Variants in TBC1D2B observed in about 807,000 individuals in gnomAD.
TBC1D2B encodes the protein TBC1 domain family member 2B, also known as TBC1 domain family, member 2B.
Under a neutral mutation model 100.8 loss-of-function variants are expected in TBC1D2B, and 64 were observed. The ratio of observed to expected loss-of-function variants is 0.64; its 90% CI spans 0.52 to 0.78. The LOEUF is 0.78. Among genes scored for constraint, TBC1D2B ranks in the 30% least tolerant of loss-of-function variants. The pLI is 0.00. For missense variants in TBC1D2B, 1,052 were observed against 1,218.4 expected (o/e 0.86, Z 2.03); for synonymous variants, 480 against 479.7 (o/e 1.00, Z -0.01).
At chr15:78,015,972 G>T (rs2072362882) in intron 8 of TBC1D2B, among the ~76,000 whole-genome samples, 1 of 152,200 alleles carries the variant, frequency 6.6e-6, no homozygotes. Flanking sequence ...ACTGCAGTAA[G>T]CAAGGCCTAG....
At chr15:78,006,511 G>A (rs909761722) in intron 10 of TBC1D2B, among the ~76,000 whole-genome samples, 4 of 152,232 alleles carry the variant, frequency 2.6e-5, no homozygotes, top group South Asian at 2.1e-4. Context: ...CAGCTGTGGC[G>A]AAAGCCCACC....
At chr15:78,052,316 G>A (rs2073330387) in intron 2 of TBC1D2B, among the ~76,000 whole-genome samples, 1 of 152,110 alleles carries the variant, frequency 6.6e-6, no homozygotes, top group Admixed American at 6.5e-5. Context: ...ACAGCCCATG[G>A]TACCAGCATG....
intron 3 of TBC1D2B, among the ~76,000 whole-genome samples, chr15:78,039,953 G>T (rs2073036897): frequency 6.6e-6 from 1 of 152,198 alleles, no homozygotes; most frequent in Non-Finnish European, 1.5e-5. Context: ...GGAGCCAGAG[G>T]TCCACATCAG....
At chr15:78,003,560 C>A in intron 10 of TBC1D2B, 70 bp from the exon 11 acceptor site, 1 of 1,255,370 alleles carries the variant, frequency 8.0e-7, no homozygotes, top group Non-Finnish European at 1.1e-6. Flanking sequence ...CGAGCAGACG[C>A]GCAACCTGAG....
intron 1 of TBC1D2B, among the ~76,000 whole-genome samples, chr15:78,055,066 T>C (rs917663865): frequency 3.3e-5 from 5 of 152,176 alleles, no homozygotes; most frequent in African/African-American, 9.7e-5. Flanking sequence ...GAAAGAAGCC[T>C]GACCCAAATG....
chr15:78,014,676 CCAGGAGGT>C (rs2072322369), intron 8 of TBC1D2B, among the ~76,000 whole-genome samples: 1 of 152,152 alleles, frequency 6.6e-6, no homozygotes, highest in Non-Finnish European at 1.5e-5. Flanking sequence ...CTTGAGCCCA[CCAGGAGGT>C]CGAGGCCAGC....
rs113432544 is a variant in TBC1D2B at position 77,995,125 on chromosome 15, A to C, written c.*3035T>G. 1 of 152,146 alleles carries C rather than the reference A, an allele frequency of 6.6e-6. No homozygotes were observed. The highest frequency in any genetic ancestry group is 1.5e-5 in the Non-Finnish European group (1 of 68,012). 9.4% of individuals were successfully genotyped at this position (152,146 alleles called of 1,614,324 possible). ...TGCAGTCCTCCAGTTGCCCAGCAGC[A>C]GTGGGACGTTCAGTGGCACACAGTG... On this transcript the variant is annotated 3_prime_UTR_variant, in exon 13 of 13. Coordinates refer to ENST00000300584, the MANE Select transcript of TBC1D2B (RefSeq NM_144572.2).
chr15:78,054,078 G>C lies in TBC1D2B; in HGVS notation c.470C>G (p.Thr157Ser). The C allele has an allele frequency of 6.2e-7, 1 of 1,613,770 alleles. No individual in the cohort carries two copies. The stretch of plus-strand genomic sequence containing the variant: ...AAGACCCTTAGGAAAATCCCCGGGA[G>C]TTGGAGAGGTCCTGCTGTCCCACTT... ...MVKWDSRTSPTPGDFPKGLVA... is the reference protein window; with the variant it reads ...MVKWDSRTSPSPGDFPKGLVA... The change falls in exon 2 of 13, where the codon ACT (threonine) becomes AGT (serine). Residue 157 changes from threonine to serine, a missense_variant. This residue lies in a region of TBC1D2B where 627 missense variants were observed against 646.1 expected (regional missense o/e 0.97). Coordinates refer to ENST00000300584, the MANE Select transcript of TBC1D2B (RefSeq NM_144572.2).
At chr15:78,072,482 AT>A (rs1190625499) in intron 1 of TBC1D2B, among the ~76,000 whole-genome samples, 11 of 152,252 alleles carry the variant, frequency 7.2e-5, no homozygotes, top group African/African-American at 2.7e-4. Context: ...GGTTCACCAC[AT>A]CTATTTTGCA....
chr15:78,013,322 T>C lies in TBC1D2B; in HGVS notation c.1776-5A>G. 6.4e-7 allele frequency: 1 copy of C among 1,573,592 alleles called. No individual in the cohort carries two copies. Among genetic ancestry groups the C allele is most frequent in the Non-Finnish European group, 8.6e-7 (1 of 1,159,590 alleles). ...AACCCATAAATATCATATTCACTGT[T>C]GATAAAAACAAAAGGAAAAATTAAA... On this transcript the variant is annotated splice_region_variant and splice_polypyrimidine_tract_variant and intron_variant, in intron 8 of 12. Coordinates refer to ENST00000300584, the MANE Select transcript of TBC1D2B (RefSeq NM_144572.2).
chr15:78,023,168 C>T (rs2072559003), intron 6 of TBC1D2B, among the ~76,000 whole-genome samples: 1 of 152,226 alleles, frequency 6.6e-6, no homozygotes, highest in Non-Finnish European at 1.5e-5. Flanking sequence ...CAAACCTCTG[C>T]CCTCCAAGGA....
At chr15:78,016,880 T>A in intron 7 of TBC1D2B, 141 bp from the exon 8 acceptor site, 1 of 661,178 alleles carries the variant, frequency 1.5e-6, no homozygotes, top group Non-Finnish European at 2.4e-6. Context: ...GACAAGAAAT[T>A]AATTTATGCC....
chr15:78,012,924 A>C lies in TBC1D2B; in HGVS notation c.2169T>G (p.His723Gln). 2 of 1,547,280 alleles carry C rather than the reference A, an allele frequency of 1.3e-6. No homozygotes were observed. Among genetic ancestry groups the C allele is most frequent in the Non-Finnish European group, 1.7e-6 (2 of 1,145,408 alleles). ...DLLRTLPNNK[H>Q]YSCPTSEGIQ... ...TGCCTTCTGAGGTGGGGCAGGAGTA[A>C]TGTTTGTTGTTGGGCAGAGTTCGCA... Residue 723 changes from histidine (H) to glutamine (Q), a missense_variant, in exon 9 of 13, where the codon CAT becomes CAG. Around this residue, in one of 4 missense-constraint regions of TBC1D2B, gnomAD observed 373 missense variants for 464.9 expected, o/e 0.80. Coordinates refer to ENST00000300584, the MANE Select transcript of TBC1D2B (RefSeq NM_144572.2).
chr15:78,035,333 TAAC>T (rs1567024143), intron 3 of TBC1D2B, among the ~76,000 whole-genome samples: 1 of 152,246 alleles, frequency 6.6e-6, no homozygotes. Flanking sequence ...TGGATTCTGA[TAAC>T]AAGCTAGAAT....
intron 3 of TBC1D2B, among the ~76,000 whole-genome samples, chr15:78,040,880 A>AAGAAAGAAAGAAAGAAAGAAAGAAAGAG (rs1275983230): frequency 8.1e-4 from 120 of 147,938 alleles, no homozygotes; most frequent in Middle Eastern, 3.4e-3. Context: ...GAAAGAAAGA[A>AAGAAAGAAAGAAAGAAAGAAAGAAAGAG]AGAGAGAGAG....
rs759956787 is a variant in TBC1D2B, at chr15:78,009,043, A to G, written c.2342T>C (p.Val781Ala). The change falls in exon 10 of 13, where the codon GTT becomes GCT. Residue 781 changes from valine to alanine, a missense_variant. By Grantham distance (64) the Val-to-Ala change is moderately conservative. Transcript: ENST00000300584. The part of the protein sequence containing the change: ...AFWCLVTIVE[V>A]FMPRDYYTKT... ...TGTATAATAGTCTCGAGGCATGAAA[A>G]CTTCCACTATGGTAACGAGACACCA... The G allele has an allele frequency of 2.5e-6, 4 of 1,608,158 alleles. No homozygotes were observed. In the Admixed American group the frequency reaches 6.8e-5, roughly 27 times the overall value.
chr15:78,040,141 T>C (rs1015564752), intron 3 of TBC1D2B, among the ~76,000 whole-genome samples: 28 of 152,256 alleles, frequency 1.8e-4, no homozygotes, highest in African/African-American at 6.8e-4. Context: ...GCATGCGCTT[T>C]CTCACTCTTG....
Position 78,077,430 on chromosome 15 carries a change from C to A in TBC1D2B, c.223G>T (p.Asp75Tyr). Residue 75 changes from aspartate to tyrosine, a missense_variant, in exon 1 of 13, where the codon GAC (aspartate) becomes TAC (tyrosine). Transcript: ENST00000300584. ...TCCAAGTGGCCGAGGGGCAGCGCGT[C>A]CTGCGGACTCTTGAAATAGTAAAGG... ...CYLYYFKSPQ[D>Y]ALPLGHLDIA... 6.5e-7 allele frequency: 1 copy of A among 1,545,298 alleles called. No individual in the cohort carries two copies. The highest frequency in any genetic ancestry group is 8.7e-7 in the Non-Finnish European group (1 of 1,145,128).
intron 3 of TBC1D2B, among the ~76,000 whole-genome samples, chr15:78,030,554 C>T (rs375652928): frequency 6.6e-6 from 1 of 152,104 alleles, no homozygotes; most frequent in African/African-American, 2.4e-5. Context: ...AGGTGATCTG[C>T]CCACCTCGGC....
Sources: gnomAD v4.1 joint callset for allele counts (sites outside exome capture counted in the v4.1 genomes callset) on GRCh38, gnomAD v4.1.1 for gene constraint, gnomAD v4.1.1 regional missense constraint, MANE v1.5 for transcripts, NCBI Gene and HGNC (gene_info 2026-07-23, HGNC 2026-07-21) for gene names.